Variants in ADARB2 observed in about 807,000 individuals in gnomAD.
The protein encoded by ADARB2 is inactive double-stranded RNA-specific editase B2.
ADARB2 carries 25 observed loss-of-function variants against 62.2 expected under a neutral mutation model. That is an observed-to-expected ratio of 0.40 (90% confidence interval 0.29 to 0.56). ADARB2 has a LOEUF of 0.56. Ranked by LOEUF, ADARB2 falls within the 20% of genes least tolerant of loss-of-function variation. ADARB2 has a pLI of 0.43. For synonymous variants in ADARB2, 572 were observed against 500.8 expected, an observed-to-expected ratio of 1.14 and a Z score of -1.90; for missense variants, 1,071 against 1,077.4, an observed-to-expected ratio of 0.99 and a Z score of 0.08.
intron 3 of ADARB2, among the ~76,000 whole-genome samples, chr10:1,305,595 A>T (rs1831619434): frequency 6.6e-6 from 1 of 152,134 alleles, no homozygotes; most frequent in African/African-American, 2.4e-5. Flanking sequence ...CAGAGACACA[A>T]CCAAAAAAGA....
chr10:1,220,230 GATGGTGGTGATA>G (rs1830679094), intron 6 of ADARB2, among the ~76,000 whole-genome samples: 1 of 149,972 alleles, frequency 6.7e-6, no homozygotes, highest in East Asian at 2.0e-4. Context: ...TGATGGTGAT[GATGGTGGTGATA>G]ATGGTGGTGG....
At chr10:1,706,066 C>A (rs534267439) in intron 1 of ADARB2, among the ~76,000 whole-genome samples, 177 of 152,348 alleles carry the variant, frequency 1.2e-3, no homozygotes, top group African/African-American at 4.2e-3. Context: ...ATTAGTGGAG[C>A]TGCAGTGAAT....
intron 1 of ADARB2, among the ~76,000 whole-genome samples, chr10:1,698,405 C>T (rs1834775656): frequency 6.6e-6 from 1 of 152,200 alleles, no homozygotes; most frequent in Non-Finnish European, 1.5e-5. Context: ...CTGCGACCTC[C>T]GATGTCATGC....
intron 1 of ADARB2, among the ~76,000 whole-genome samples, chr10:1,619,508 G>C (rs1833683555): frequency 6.6e-6 from 1 of 152,200 alleles, no homozygotes. Context: ...CTGGAGTGCA[G>C]TGGTGCGATC....
chr10:1,501,254 T>C (rs1351440052), intron 1 of ADARB2, among the ~76,000 whole-genome samples: 3 of 152,204 alleles, frequency 2.0e-5, no homozygotes, highest in African/African-American at 7.2e-5. Flanking sequence ...GGAGTTTAAC[T>C]TGCTAGCTAT....
chr10:1,343,485 A>G (rs934274729), intron 3 of ADARB2, among the ~76,000 whole-genome samples: 11 of 152,222 alleles, frequency 7.2e-5, no homozygotes, highest in African/African-American at 2.7e-4. Flanking sequence ...AGAACTTAAA[A>G]CAGAACTACC....
At chr10:1,640,751 T>A (rs1043654269) in intron 1 of ADARB2, among the ~76,000 whole-genome samples, 1 of 152,178 alleles carries the variant, frequency 6.6e-6, no homozygotes, top group Non-Finnish European at 1.5e-5. Flanking sequence ...AACTATGAAG[T>A]ATTTTGTTTG....
chr10:1,507,358 A>C (rs752167811), intron 1 of ADARB2, among the ~76,000 whole-genome samples: 1 of 152,200 alleles, frequency 6.6e-6, no homozygotes, highest in Non-Finnish European at 1.5e-5. Flanking sequence ...AGAGGCTGGC[A>C]TGAGCCTTGG....
At chr10:1,505,172 CACAA>C (rs781548630) in intron 1 of ADARB2, among the ~76,000 whole-genome samples, 8 of 151,866 alleles carry the variant, frequency 5.3e-5, no homozygotes, top group East Asian at 3.9e-4. Context: ...CACACATGAA[CACAA>C]ACACACAGGC....
rs12769690 is a variant in ADARB2 at position 1,627,107 on chromosome 10, G to A, written c.100+109944C>T. ...AGGCTCACACATCAGTCACCCACTCGAACTGGAGCCGGGCCCTCGGGTGAA... is the reference window on the plus strand; with the variant it reads ...AGGCTCACACATCAGTCACCCACTCAAACTGGAGCCGGGCCCTCGGGTGAA... On this transcript the variant is annotated intron_variant, in intron 1 of 9. Transcript: ENST00000381312. Among the ~76,000 whole-genome samples the A allele has an allele frequency of 2.2e-4, 33 of 152,152 alleles. No individual in the cohort carries two copies. The South Asian group carries it at 3.3e-3, about 15-fold the overall frequency.
chr10:1,685,254 T>C (rs951995699), intron 1 of ADARB2, among the ~76,000 whole-genome samples: 5 of 152,048 alleles, frequency 3.3e-5, no homozygotes, highest in Admixed American at 1.3e-4. Context: ...GTGAGGAAGA[T>C]AGAGACAGAG....
intron 1 of ADARB2, among the ~76,000 whole-genome samples, chr10:1,677,384 A>G (rs1232816860): frequency 6.6e-6 from 1 of 152,164 alleles, no homozygotes; most frequent in Non-Finnish European, 1.5e-5. Flanking sequence ...ATGATAGAAC[A>G]TGCTGGTACT....
chr10:1,309,550 G>C (rs1409640260), intron 3 of ADARB2, among the ~76,000 whole-genome samples: 1 of 152,200 alleles, frequency 6.6e-6, no homozygotes. Context: ...TTTAATATTT[G>C]AAAAGTTTTG....
chr10:1,592,039 AC>A (rs757246903), intron 1 of ADARB2, among the ~76,000 whole-genome samples: 12 of 151,976 alleles, frequency 7.9e-5, no homozygotes, highest in Non-Finnish European at 1.6e-4. Flanking sequence ...GCTTTTTACA[AC>A]CCTGGTTTTC....
intron 1 of ADARB2, among the ~76,000 whole-genome samples, chr10:1,402,283 T>C (rs940987660): frequency 2.0e-5 from 3 of 152,118 alleles, no homozygotes; most frequent in Non-Finnish European, 4.4e-5. Context: ...TGGCCAGGGG[T>C]AGGGCGCCTT....
intron 1 of ADARB2, among the ~76,000 whole-genome samples, chr10:1,654,512 G>A (rs1306479794): frequency 1.3e-5 from 2 of 152,138 alleles, no homozygotes; most frequent in Non-Finnish European, 2.9e-5. Flanking sequence ...GCCCCACCCA[G>A]AACCCCTCTT....
chr10:1,266,451 C>G (rs564090575), intron 4 of ADARB2, among the ~76,000 whole-genome samples: 1 of 150,524 alleles, frequency 6.6e-6, no homozygotes, highest in South Asian at 2.1e-4. Flanking sequence ...GAGGAAAGGA[C>G]CGCCTGAGAA....
chr10:1,574,546 G>T (rs1362271463), intron 1 of ADARB2, among the ~76,000 whole-genome samples: 2 of 152,038 alleles, frequency 1.3e-5, no homozygotes, highest in African/African-American at 4.8e-5. Context: ...TGGAGGCTGG[G>T]TGTCCAAGGT....
At chr10:1,568,989 G>T (rs763779051) in intron 1 of ADARB2, among the ~76,000 whole-genome samples, 1 of 152,108 alleles carries the variant, frequency 6.6e-6, no homozygotes, top group Non-Finnish European at 1.5e-5. Flanking sequence ...ATTAGAAGGC[G>T]AGGCGAGATG....
Sources: gnomAD v4.1 joint callset for allele counts (sites outside exome capture counted in the v4.1 genomes callset) on GRCh38, gnomAD v4.1.1 for gene constraint, MANE v1.5 for transcripts, NCBI Gene and HGNC (gene_info 2026-07-23, HGNC 2026-07-21) for gene names.